The following PLA2G4B variants were observed in gnomAD, a reference collection of about 807,000 sequenced individuals.
The protein encoded by PLA2G4B is cytosolic phospholipase A2 beta.
Under a neutral mutation model 95.8 loss-of-function variants are expected in PLA2G4B, and 122 were observed. The ratio of observed to expected loss-of-function variants is 1.27; its 90% CI spans 1.10 to 1.48. PLA2G4B has a LOEUF of 1.48. Ranked by LOEUF, PLA2G4B falls within the 40% of genes most tolerant of loss-of-function variation. The pLI is 0.00. For synonymous variants in PLA2G4B, 518 were observed against 421.5 expected (o/e 1.23, Z -2.80); for missense variants, 1,158 against 996.2 (o/e 1.16, Z -2.19).
chr15:41,840,501 T>C (rs779989890), intron 2 of PLA2G4B, 23 bp from the exon 3 acceptor site: 9 of 1,613,360 alleles, frequency 5.6e-6, no homozygotes, highest in Non-Finnish European at 7.6e-6. Context: ...TGTCCACCGC[T>C]GGGCACTTGT....
At chr15:41,843,912 G>A (rs2065484071) in intron 11 of PLA2G4B, 101 bp downstream of exon 11, 9 of 1,489,908 alleles carry the variant, frequency 6.0e-6, no homozygotes, top group Non-Finnish European at 8.0e-6. Flanking sequence ...ACCAGAGCTC[G>A]TAGCTGCCTG....
At chr15:41,847,207 C>T in intron 18 of PLA2G4B, 130 bp from the exon 19 acceptor site, 1 of 1,399,638 alleles carries the variant, frequency 7.1e-7, no homozygotes, top group Non-Finnish European at 9.5e-7. Flanking sequence ...TTTCCAACGA[C>T]TGGCTTCATA....
At position 41,843,781 on chromosome 15, in the gene PLA2G4B, G is replaced by C. The variant is rs139544986; in HGVS notation, c.849G>C (p.Leu283=). 3 of 1,613,760 alleles carry C rather than the reference G, an allele frequency of 1.9e-6. No homozygotes were observed. The African/African-American group carries it at 4.0e-5, about 22-fold the overall frequency. ...TGGCCGCGGCCTTGAGGCAGGCCCT[G>C]CAGCTGGACGGAGACCTGCAGGAGG... The part of the protein sequence containing the change: ...QVVAAALRQA[L]QLDGDLQEDE... Residue 283 remains leucine, a synonymous_variant, in exon 11 of 20, where the codon CTG becomes CTC. Coordinates refer to ENST00000458483, the MANE Select transcript of PLA2G4B (RefSeq NM_001114633.2).
Position 41,840,832 on chromosome 15 carries a change from T to C in PLA2G4B, c.278T>C (p.Leu93Ser), listed in dbSNP as rs771819439. 2 of 1,614,096 alleles carry C rather than the reference T, an allele frequency of 1.2e-6. No individual in the cohort carries two copies. The highest frequency in any genetic ancestry group is 2.2e-5 in the South Asian group (2 of 91,082). ...QDLVTGDDPVLSVLFDAGTLR... is the reference protein window; with the variant it reads ...QDLVTGDDPVSSVLFDAGTLR... ...CTGGTGACCGGAGATGACCCTGTGTTGTCAGTACTGTTTGATGCGGGGACT... is the reference window on the plus strand; with the variant it reads ...CTGGTGACCGGAGATGACCCTGTGTCGTCAGTACTGTTTGATGCGGGGACT... Residue 93 changes from leucine to serine, a missense_variant, in exon 4 of 20, where the codon TTG becomes TCG. Coordinates refer to ENST00000458483, the MANE Select transcript of PLA2G4B (RefSeq NM_001114633.2).
In PLA2G4B at chr15:41,845,754, T is replaced by A. The variant is rs146490518; in HGVS notation, c.1474T>A (p.Ser492Thr). 8.7e-5 allele frequency: 139 copies of A among 1,604,400 alleles called. No homozygotes were observed. The highest frequency in any genetic ancestry group is 1.2e-4 in the Non-Finnish European group (136 of 1,175,176). ...MGQLMKRLPE[S>T]RICFLEGIWS... ...GCAGCTGATGAAGAGGCTTCCTGAG[T>A]CCCGCATCTGCTTCTTAGAAGGTGA... Residue 492 changes from serine to threonine, a missense_variant, in exon 15 of 20, where the codon TCC becomes ACC. Ser to Thr is a moderately conservative substitution (Grantham distance 58). Coordinates refer to ENST00000458483, the MANE Select transcript of PLA2G4B (RefSeq NM_001114633.2).
In PLA2G4B at chr15:41,841,666, C is replaced by T. The variant is rs865809550; in HGVS notation, c.490+95C>T. On this transcript the variant is annotated intron_variant, in intron 7 of 19. Transcript: ENST00000458483. ...ATTCTCCTTGGGGCCTGAGCTTTCC[C>T]CTTAGGCCTTCTCGGGGGACTGTGG... 7.6e-6 allele frequency: 12 copies of T among 1,585,322 alleles called. No homozygotes were observed. In the South Asian group the frequency reaches 1.4e-4, roughly 18 times the overall value.
In PLA2G4B at chr15:41,842,100, A is replaced by G; in HGVS notation, c.622-93A>G. ...CTGGCCTCCCCTTCCCGTCCCTCCC[A>G]TAACTCTATGGCTGCCGGCGGGAGT... On this transcript the variant is annotated intron_variant, in intron 8 of 19. Transcript: ENST00000458483. 1.3e-5 allele frequency: 20 copies of G among 1,584,702 alleles called. No individual in the cohort carries two copies. The South Asian group carries it at 1.8e-4, about 15-fold the overall frequency.
At position 41,848,004 on chromosome 15, in the gene PLA2G4B, T is replaced by G. The variant is rs2065611664; in HGVS notation, c.*144T>G. The stretch of plus-strand genomic sequence containing the variant: ...CCAGGCTGAGGGCTGGGAGCTCCCT[T>G]GCGCCTCAGCAGTTTGCAGTGGGGT... On this transcript the variant is annotated 3_prime_UTR_variant, in exon 20 of 20. Coordinates refer to ENST00000458483, the MANE Select transcript of PLA2G4B (RefSeq NM_001114633.2). The G allele has an allele frequency of 2.2e-5, 26 of 1,166,846 alleles. No individual in the cohort carries two copies. Among genetic ancestry groups the G allele is most frequent in the Middle Eastern group, 2.9e-4 (1 of 3,396 alleles). 72.3% of individuals were successfully genotyped at this position (1,166,846 alleles called of 1,614,324 possible).
rs1180015204 is a variant in PLA2G4B at position 41,840,672 on chromosome 15, A to G, written c.219+12A>G. The G allele has an allele frequency of 2.5e-6, 4 of 1,611,778 alleles. No individual in the cohort carries two copies. Among genetic ancestry groups the G allele is most frequent in the South Asian group, 2.2e-5 (2 of 90,734 alleles). ...ACAGGCAGCTCAAGGTGGGCCAGGC[A>G]TCAGCGCTGACTCTACCCACATCCT... On this transcript the variant is annotated intron_variant, in intron 3 of 19. Transcript: ENST00000458483.
chr15:41,841,723 C>T (rs1343105309), intron 7 of PLA2G4B, 96 bp from the exon 8 acceptor site: 9 of 1,570,392 alleles, frequency 5.7e-6, no homozygotes, highest in Non-Finnish European at 6.9e-6. Flanking sequence ...ACCATTTCAG[C>T]GGGGAGAGGG....
intron 10 of PLA2G4B, chr15:41,843,301 G>A: frequency 5.7e-6 from 1 of 176,456 alleles, no homozygotes; most frequent in Non-Finnish European, 1.2e-5. Flanking sequence ...GGCTGGTCCT[G>A]GCCTCAAGTT....
intron 6 of PLA2G4B, 48 bp downstream of exon 6, chr15:41,841,321 C>T: frequency 6.2e-6 from 10 of 1,611,480 alleles, no homozygotes; most frequent in Non-Finnish European, 8.5e-6. Context: ...CCCGGGACTC[C>T]CTCATGCCAG....
rs1357139166 is a variant in PLA2G4B at position 41,844,020 on chromosome 15, G to A, written c.879+209G>A. ...GAGCCCACATGGGAGCTACCTCATA[G>A]GGCTGGCTTTCCTACTCTGTTTCTT... On this transcript the variant is annotated intron_variant, in intron 11 of 19. Transcript: ENST00000458483. Among the ~76,000 whole-genome samples, 3 of 152,230 alleles carry A rather than the reference G, an allele frequency of 2.0e-5. No homozygotes were observed. In the East Asian group the frequency reaches 5.8e-4, roughly 29 times the overall value.
At chr15:41,846,982 CATTCTTTTCCGGAAGT>C in intron 18 of PLA2G4B, 147 bp downstream of exon 18, 1 of 1,188,116 alleles carries the variant, frequency 8.4e-7, no homozygotes, top group Non-Finnish European at 1.1e-6. Flanking sequence ...CAGAGGAGCT[CATTCTTTTCCGGAAGT>C]TGGGAGGCTG....
chr15:41,845,582 G>C (rs911309200), intron 14 of PLA2G4B, 56 bp from the exon 15 acceptor site: 28 of 1,607,282 alleles, frequency 1.7e-5, no homozygotes, highest in Non-Finnish European at 2.1e-5. Context: ...GTCGGGGTGG[G>C]GGTGTGGGTG....
intron 2 of PLA2G4B, 49 bp from the exon 3 acceptor site, chr15:41,840,475 G>A (rs770264393): frequency 6.8e-6 from 11 of 1,611,688 alleles, no homozygotes; most frequent in Non-Finnish European, 8.5e-6. Flanking sequence ...GGGTCTGGGC[G>A]GCTGGGAAGG....
At position 41,840,917 on chromosome 15, in the gene PLA2G4B, T is replaced by C. The variant is rs753258767; in HGVS notation, c.351+12T>C. 3.7e-6 allele frequency: 6 copies of C among 1,610,538 alleles called. No homozygotes were observed. In the East Asian group the frequency reaches 1.3e-4, roughly 36 times the overall value. ...CACTGAGCCCTCAGGCAAGGCGGTG[T>C]TTCCACGGCAGCCCTAGCTGGTGTC... On this transcript the variant is annotated intron_variant, in intron 4 of 19. Coordinates refer to ENST00000458483, the MANE Select transcript of PLA2G4B (RefSeq NM_001114633.2).
In PLA2G4B at chr15:41,847,886, C is replaced by T; in HGVS notation, c.*26C>T. On this transcript the variant is annotated 3_prime_UTR_variant, in exon 20 of 20. Coordinates refer to ENST00000458483, the MANE Select transcript of PLA2G4B (RefSeq NM_001114633.2). ...TGGCCGGGGCCCCTGCCACCCCTAA[C>T]TCTCATTCATTCCCTGGCTGCTGAG... is the stretch of plus-strand genomic sequence containing the variant. 6.3e-7 allele frequency: 1 copy of T among 1,598,128 alleles called. No homozygotes were observed. The highest frequency in any genetic ancestry group is 8.5e-7 in the Non-Finnish European group (1 of 1,176,014).
rs151177880 is a variant in PLA2G4B at position 41,841,007 on chromosome 15, G to A, written c.352-48G>A. 9.6e-4 allele frequency: 1,502 copies of A among 1,571,226 alleles called. 14 individuals are homozygous for A. The African/African-American group carries it at 0.017, about 18-fold the overall frequency. On this transcript the variant is annotated intron_variant, in intron 4 of 19. Coordinates refer to ENST00000458483, the MANE Select transcript of PLA2G4B (RefSeq NM_001114633.2). The stretch of plus-strand genomic sequence containing the variant: ...ATGTCTCTCATACTCACTGACATAT[G>A]TGCACTCCTTCTGACCCTTTCTAAC...
Sources: allele counts gnomAD v4.1 joint callset (sites outside exome capture counted in the v4.1 genomes callset), GRCh38; gene constraint gnomAD v4.1.1; transcripts MANE v1.5; gene names NCBI Gene and HGNC (gene_info 2026-07-23, HGNC 2026-07-21).